CDYL: variants seen among roughly 807,000 people sequenced by gnomAD.
CDYL encodes the protein chromodomain Y like.
A neutral mutation model predicts 47.3 loss-of-function variants in CDYL; 8 were observed. The ratio of observed to expected loss-of-function variants is 0.17; its 90% CI spans 0.10 to 0.31. The LOEUF (loss-of-function observed/expected upper bound fraction) is 0.31, where lower values mean the gene tolerates loss of function less well. Ranked by LOEUF, CDYL falls within the 10% of genes least tolerant of loss-of-function variation. CDYL has a pLI of 1.00. For synonymous variants in CDYL, 266 were observed against 265.0 expected (o/e 1.00, Z -0.04); for missense variants, 471 against 701.4 (o/e 0.67, Z 3.71).
intron 1 of CDYL, among the ~76,000 whole-genome samples, chr6:4,837,225 C>G (rs1467326432): frequency 4.6e-5 from 7 of 152,244 alleles, no homozygotes; most frequent in African/African-American, 1.7e-4. Flanking sequence ...AGTGTTACAA[C>G]TTGAGTGACA....
chr6:4,891,188 T>C (rs537817234), intron 1 of CDYL, among the ~76,000 whole-genome samples: 19 of 152,376 alleles, frequency 1.2e-4, no homozygotes, highest in African/African-American at 4.6e-4. Context: ...TATGATGTTC[T>C]CTGTTGACCT....
chr6:4,821,063 C>T (rs185648377), intron 1 of CDYL, among the ~76,000 whole-genome samples: 127 of 152,158 alleles, frequency 8.3e-4, no homozygotes, highest in African/African-American at 3.0e-3. Context: ...TTAATGATGT[C>T]ATGTAGAATC....
chr6:4,947,425 T>C (rs970455083), intron 5 of CDYL, among the ~76,000 whole-genome samples: 4 of 152,164 alleles, frequency 2.6e-5, no homozygotes, highest in Admixed American at 2.0e-4. Context: ...GGGTGGAGCT[T>C]GTCCACTCTT....
At chr6:4,759,233 T>TAG (rs1169555706) in intron 3 of CDYL, among the ~76,000 whole-genome samples, 1 of 152,110 alleles carries the variant, frequency 6.6e-6, no homozygotes, top group African/African-American at 2.4e-5. Context: ...CCTCCCAAAG[T>TAG]GCTAGGATTA....
At chr6:4,804,662 T>C (rs1428873237) in intron 1 of CDYL, among the ~76,000 whole-genome samples, 4 of 152,222 alleles carry the variant, frequency 2.6e-5, no homozygotes, top group African/African-American at 9.7e-5. Flanking sequence ...GGCACTGTTT[T>C]TCAAACTTGA....
rs771597489 is a variant in CDYL at position 4,907,152 on chromosome 6, A to G, written c.691+14773A>G. On this transcript the variant is annotated intron_variant, in intron 2 of 6. Coordinates refer to ENST00000397588, the MANE Select transcript of CDYL (RefSeq NM_004824.4). ...AGAAACTGCTGCTACTCTGAGCTCA[A>G]GTGAGTCAGGGGTGCACCCCAAGAG... 4.6e-5 allele frequency among the ~76,000 whole-genome samples: 7 copies of G among 152,168 alleles called. No homozygotes were observed. The East Asian group carries it at 1.4e-3, about 29-fold the overall frequency.
intron 1 of CDYL, among the ~76,000 whole-genome samples, chr6:4,777,452 G>A (rs565736887): frequency 6.6e-6 from 1 of 152,178 alleles, no homozygotes; most frequent in Non-Finnish European, 1.5e-5. Flanking sequence ...AGTTCTGGTC[G>A]ATGGGTTTAA....
At chr6:4,926,355 G>A (rs1030479366) in intron 2 of CDYL, among the ~76,000 whole-genome samples, 6 of 152,120 alleles carry the variant, frequency 3.9e-5, no homozygotes, top group African/African-American at 7.2e-5. Flanking sequence ...CTCCATAAAC[G>A]GAGAGCTATT....
At chr6:4,943,846 A>G (rs1056780236) in intron 5 of CDYL, 90 bp downstream of exon 5, 9 of 968,626 alleles carry the variant, frequency 9.3e-6, no homozygotes, top group African/African-American at 1.6e-5. Context: ...CTAAAGCTGT[A>G]CAGTGTGTCA....
At chr6:4,821,877 A>G (rs1305197497) in intron 1 of CDYL, among the ~76,000 whole-genome samples, 2 of 152,196 alleles carry the variant, frequency 1.3e-5, no homozygotes, top group African/African-American at 4.8e-5. Flanking sequence ...GTAGCCATAT[A>G]ATAATTTTCC....
At chr6:4,806,758 A>G (rs1007759816) in intron 1 of CDYL, among the ~76,000 whole-genome samples, 4 of 152,174 alleles carry the variant, frequency 2.6e-5, no homozygotes, top group African/African-American at 9.7e-5. Context: ...GTTCTTTTGT[A>G]AAATGTTCCT....
At chr6:4,781,835 G>A (rs1368972728) in intron 1 of CDYL, among the ~76,000 whole-genome samples, 2 of 152,162 alleles carry the variant, frequency 1.3e-5, no homozygotes, top group African/African-American at 2.4e-5. Context: ...TTGTAAATAA[G>A]GAGTGATAGT....
At chr6:4,753,369 A>G (rs1758027537) in intron 3 of CDYL, among the ~76,000 whole-genome samples, 1 of 152,204 alleles carries the variant, frequency 6.6e-6, no homozygotes, top group Admixed American at 6.5e-5. Context: ...AGTGCTAAAG[A>G]TGTGTAATAA....
chr6:4,942,098 ACT>A (rs1758375885), intron 4 of CDYL, among the ~76,000 whole-genome samples: 1 of 152,128 alleles, frequency 6.6e-6, no homozygotes, highest in African/African-American at 2.4e-5. Context: ...GTTGTCTGAC[ACT>A]CTGATCATTA....
intron 3 of CDYL, 97 bp from the exon 4 acceptor site, chr6:4,937,468 C>T: frequency 1.0e-6 from 1 of 979,984 alleles, no homozygotes; most frequent in Non-Finnish European, 1.4e-6. Flanking sequence ...TGCACGCCAA[C>T]CTGAGCAACA....
Position 4,895,545 on chromosome 6 carries a change from ATG to A in CDYL, c.691+3176_691+3177del, listed in dbSNP as rs144373160. Among the ~76,000 whole-genome samples, 4 of 145,434 alleles carry A rather than the reference ATG, an allele frequency of 2.8e-5. 1 individual carries two copies. The highest frequency in any genetic ancestry group is 8.3e-5 in the African/African-American group (3 of 35,940). ...TATACATGTATACATATATGTGTAT[ATG>A]TGTGTGTGTATATATATACACACAT... On this transcript the variant is annotated intron_variant, in intron 2 of 6. Coordinates refer to ENST00000397588, the MANE Select transcript of CDYL (RefSeq NM_004824.4).
intron 5 of CDYL, 31 bp downstream of exon 5, chr6:4,943,787 A>AAT: frequency 7.1e-7 from 1 of 1,410,860 alleles, no homozygotes; most frequent in Non-Finnish European, 9.7e-7. Flanking sequence ...AAAAAAAAAA[A>AAT]GTCATTCTAG....
upstream of CDYL, among the ~76,000 whole-genome samples, chr6:4,776,222 C>G (rs1758441597): frequency 7.0e-6 from 1 of 143,176 alleles, no homozygotes; most frequent in Non-Finnish European, 1.6e-5. Flanking sequence ...CCGGCTCGCT[C>G]CCGGCCCCGC....
At chr6:4,780,752 T>C (rs1758597230) in intron 1 of CDYL, among the ~76,000 whole-genome samples, 1 of 152,194 alleles carries the variant, frequency 6.6e-6, no homozygotes, top group African/African-American at 2.4e-5. Flanking sequence ...CCCATCCAAC[T>C]CTCAAACCAT....
Sources: allele counts gnomAD v4.1 joint callset (sites outside exome capture counted in the v4.1 genomes callset), GRCh38; gene constraint gnomAD v4.1.1; transcripts MANE v1.5; gene names NCBI Gene and HGNC (gene_info 2026-07-23, HGNC 2026-07-21).